The following CLCN5 variants were observed in gnomAD, a reference collection of about 807,000 sequenced individuals.
The protein encoded by CLCN5 is Cl-/H+ antiporter 5, also known as H(+)/Cl(-) exchange transporter 5.
CLCN5 carries 17 observed loss-of-function variants against 54.0 expected under a neutral mutation model. The ratio of observed to expected loss-of-function variants is 0.31; its 90% CI spans 0.22 to 0.47. CLCN5 has a LOEUF of 0.47. CLCN5 is among the 20% of genes least tolerant of loss of function. The pLI is 1.00. For missense variants in CLCN5, 448 were observed against 646.7 expected, an observed-to-expected ratio of 0.69 and a Z score of 3.33; for synonymous variants, 222 against 233.0, an observed-to-expected ratio of 0.95 and a Z score of 0.43.
chrX:49,984,586 G>A (rs1049564748), intron 3 of CLCN5, among the ~76,000 whole-genome samples: 8 of 105,715 alleles, frequency 7.6e-5, no homozygotes, highest in Non-Finnish European at 1.4e-4. Context: ...TTTCTCTTTC[G>A]TTCCTTCTCT....
chrX:50,080,744 G>C lies in CLCN5; in HGVS notation c.726+28G>C, dbSNP rs374421323. ...GAGTCTCTTAAAATGGTTTATAAAT[G>C]GTTACAATATGAATACTTTTTGGTT... On this transcript the variant is annotated intron_variant, in intron 8 of 14. Coordinates refer to ENST00000376091, the MANE Select transcript of CLCN5 (RefSeq NM_001127898.4). 1,520 of 1,148,432 alleles carry C rather than the reference G, an allele frequency of 1.3e-3. 2 individuals are homozygous for C. The highest frequency in any genetic ancestry group is 3.1e-3 in the Middle Eastern group (13 of 4,193). The allele number at this position is 1,148,432 out of a possible 1,213,427, so 94.6% of individuals were successfully genotyped here.
chrX:49,923,137 C>T (rs1383205629), intron 1 of CLCN5, among the ~76,000 whole-genome samples: 1 of 113,312 alleles, frequency 8.8e-6, no homozygotes, highest in Non-Finnish European at 1.9e-5. Flanking sequence ...TCCCCTTTCC[C>T]GGACTGGGGT....
intron 3 of CLCN5, among the ~76,000 whole-genome samples, chrX:50,031,076 C>T (rs1557185803): frequency 3.9e-4 from 44 of 111,749 alleles, no homozygotes; most frequent in Admixed American, 9.5e-5. Flanking sequence ...TATTTCTTAT[C>T]ATATCTGAAG....
chrX:50,086,807 G>A lies in CLCN5; in HGVS notation c.1494G>A (p.Met498Ile). 1 of 1,211,329 alleles carries A rather than the reference G, an allele frequency of 8.3e-7. No homozygotes were observed. Among genetic ancestry groups the A allele is most frequent in the South Asian group, 1.8e-5 (1 of 56,934 alleles). Residue 498 changes from methionine (M) to isoleucine (I), a missense_variant, in exon 11 of 15, where the codon ATG (methionine) becomes ATA (isoleucine). This residue lies in a region of CLCN5 where 297 missense variants were observed against 470.4 expected (regional missense o/e 0.63). Coordinates refer to ENST00000376091, the MANE Select transcript of CLCN5 (RefSeq NM_001127898.4). ...RPAGVGVYSA[M>I]WQLALTLILK... Reference sequence around the variant, plus strand: ...CTGGCGTGGGAGTCTACAGTGCAATGTGGCAGCTGGCTTTAACACTCATAC... The same window carrying A: ...CTGGCGTGGGAGTCTACAGTGCAATATGGCAGCTGGCTTTAACACTCATAC...
At chrX:50,031,778 T>C (rs1557185879) in intron 3 of CLCN5, among the ~76,000 whole-genome samples, 1 of 108,931 alleles carries the variant, frequency 9.2e-6, no homozygotes, top group Non-Finnish European at 1.9e-5. Context: ...TGCAGGTTAG[T>C]TACATATGTA....
At chrX:49,979,264 C>T (rs1327637037) in intron 3 of CLCN5, among the ~76,000 whole-genome samples, 4 of 111,212 alleles carry the variant, frequency 3.6e-5, no homozygotes, top group Non-Finnish European at 7.5e-5. Flanking sequence ...TAAAGTCTTG[C>T]TTATAGCCCA....
In CLCN5 at chrX:50,094,957, A is replaced by G. The variant is rs1569540655; in HGVS notation, c.*2738A>G. ...GCCATTGCCACTTTAACAGTTGGAC[A>G]TGCTTAAGCAACAAATACAGCCAGT... On this transcript the variant is annotated 3_prime_UTR_variant, in exon 15 of 15. Coordinates refer to ENST00000376091, the MANE Select transcript of CLCN5 (RefSeq NM_001127898.4). The G allele has an allele frequency of 8.9e-6, 1 of 112,866 alleles. No individual in the cohort carries two copies. The highest frequency in any genetic ancestry group is 1.9e-5 in the Non-Finnish European group (1 of 53,364). The allele number at this position is 112,866 out of a possible 1,213,427, so 9.3% of individuals were successfully genotyped here. A position where few individuals can be genotyped will look rare whatever the true frequency, so the allele number is the denominator to read the frequency against.
intron 4 of CLCN5, among the ~76,000 whole-genome samples, chrX:50,066,395 G>T (rs1307200202): frequency 2.7e-5 from 3 of 111,365 alleles, no homozygotes; most frequent in Non-Finnish European, 5.7e-5. Flanking sequence ...CCCATGCAGT[G>T]CCTCACATTT....
At chrX:49,995,641 G>A (rs1557179561) in intron 3 of CLCN5, among the ~76,000 whole-genome samples, 1 of 111,988 alleles carries the variant, frequency 8.9e-6, no homozygotes. Flanking sequence ...TATTCATTCT[G>A]CCAATCTACC....
intron 3 of CLCN5, among the ~76,000 whole-genome samples, chrX:49,963,326 A>G (rs187195332): frequency 5.4e-5 from 6 of 111,729 alleles, no homozygotes; most frequent in African/African-American, 9.8e-5. Context: ...ATGGAAAACT[A>G]GTCTAGTCTA....
intron 3 of CLCN5, among the ~76,000 whole-genome samples, chrX:49,962,115 G>C (rs1927622889): frequency 9.0e-6 from 1 of 111,432 alleles, no homozygotes; most frequent in Admixed American, 9.5e-5. Flanking sequence ...GGTCCCTCTT[G>C]GTTATATAAT....
intron 4 of CLCN5, among the ~76,000 whole-genome samples, chrX:50,068,721 A>T (rs1360243824): frequency 9.0e-6 from 1 of 110,607 alleles, no homozygotes. Flanking sequence ...GCTCAGGCCC[A>T]CTTTGGCCTC....
intron 3 of CLCN5, chrX:50,003,371 C>A: frequency 3.0e-6 from 1 of 335,972 alleles, no homozygotes; most frequent in Non-Finnish European, 6.0e-6. Context: ...GTCCTGCTTC[C>A]ATGGCCACTG....
At chrX:49,951,687 G>A (rs140083492) in intron 3 of CLCN5, among the ~76,000 whole-genome samples, 2,459 of 112,000 alleles carry the variant, frequency 0.022, 30 homozygotes, top group Middle Eastern at 0.032. Context: ...TGACATTTGA[G>A]CTGGTTGGAG....
At chrX:50,004,993 A>C (rs1327970887) in intron 3 of CLCN5, among the ~76,000 whole-genome samples, 1 of 112,244 alleles carries the variant, frequency 8.9e-6, no homozygotes, top group Non-Finnish European at 1.9e-5. Flanking sequence ...GAAATATCAT[A>C]AATTAGGATC....
At chrX:49,944,311 T>C (rs1170548913) in intron 3 of CLCN5, among the ~76,000 whole-genome samples, 16 of 111,518 alleles carry the variant, frequency 1.4e-4, no homozygotes, top group Non-Finnish European at 2.4e-4. Context: ...TGGGCTGAGA[T>C]GATGGGGTTT....
chrX:50,002,605 G>C (rs1405759619), intron 3 of CLCN5, among the ~76,000 whole-genome samples: 1 of 110,314 alleles, frequency 9.1e-6, no homozygotes, highest in Non-Finnish European at 1.9e-5. Context: ...GGGCTGACAA[G>C]TGCAAGTTCT....
chrX:49,966,609 T>C (rs868950785), intron 3 of CLCN5, among the ~76,000 whole-genome samples: 1 of 21,373 alleles, frequency 4.7e-5, no homozygotes, highest in African/African-American at 2.6e-4. Context: ...TTTTTTTTTT[T>C]TTATTTTTTT....
At chrX:49,950,153 T>C (rs1368985735) in intron 3 of CLCN5, among the ~76,000 whole-genome samples, 1 of 111,844 alleles carries the variant, frequency 8.9e-6, no homozygotes, top group Non-Finnish European at 1.9e-5. Context: ...TTCTCTAAGC[T>C]ACCATTTTGA....
Sources: allele counts gnomAD v4.1 joint callset (sites outside exome capture counted in the v4.1 genomes callset), GRCh38; gene constraint gnomAD v4.1.1; regional missense constraint gnomAD v4.1.1; transcripts MANE v1.5; gene names NCBI Gene and HGNC (gene_info 2026-07-23, HGNC 2026-07-21).